The following ST3GAL5 variants were observed in gnomAD, a reference collection of about 807,000 sequenced individuals.
ST3GAL5 encodes ST3 beta-galactoside alpha-2,3-sialyltransferase 5.
Under a neutral mutation model 46.1 loss-of-function variants are expected in ST3GAL5, and 25 were observed. The ratio of observed to expected loss-of-function variants is 0.54; its 90% CI spans 0.40 to 0.76. The LOEUF (loss-of-function observed/expected upper bound fraction) is 0.76, where lower values mean the gene tolerates loss of function less well. ST3GAL5 is among the 30% of genes least tolerant of loss of function. The pLI is 0.00. For synonymous variants in ST3GAL5, 182 were observed against 192.7 expected (o/e 0.94, Z 0.46); for missense variants, 431 against 521.2 (o/e 0.83, Z 1.69).
At chr2:85,882,876 T>C (rs1687328972) in intron 1 of ST3GAL5, among the ~76,000 whole-genome samples, 1 of 151,820 alleles carries the variant, frequency 6.6e-6, no homozygotes, top group Admixed American at 6.6e-5. Flanking sequence ...ATTTCGGACT[T>C]GCATGGTGCC....
At chr2:85,878,330 G>A (rs1009512876) in intron 1 of ST3GAL5, among the ~76,000 whole-genome samples, 1 of 152,132 alleles carries the variant, frequency 6.6e-6, no homozygotes, top group African/African-American at 2.4e-5. Flanking sequence ...TTAACATTCT[G>A]GTCTGTATTC....
intron 1 of ST3GAL5, among the ~76,000 whole-genome samples, chr2:85,863,851 G>A (rs1684991152): frequency 6.6e-6 from 1 of 152,078 alleles, no homozygotes; most frequent in African/African-American, 2.4e-5. Context: ...GGGATTACAG[G>A]CGCATGCCAC....
At chr2:85,851,690 C>T (rs946089203) in intron 3 of ST3GAL5, 33 of 1,289,300 alleles carry the variant, frequency 2.6e-5, no homozygotes, top group Admixed American at 4.6e-5. Flanking sequence ...AGGCGAGTGC[C>T]GCACCTTCAG....
intron 1 of ST3GAL5, among the ~76,000 whole-genome samples, chr2:85,867,101 G>A (rs2104111135): frequency 6.6e-6 from 1 of 152,142 alleles, no homozygotes; most frequent in East Asian, 1.9e-4. Flanking sequence ...GACCAGCCTG[G>A]GCAACACAGT....
At chr2:85,863,514 G>A (rs755047681) in intron 1 of ST3GAL5, 29 bp from the exon 2 acceptor site, 1 of 1,613,294 alleles carries the variant, frequency 6.2e-7, no homozygotes, top group Non-Finnish European at 8.5e-7. Context: ...AGGGCAGTGG[G>A]GAAAAAGAGA....
chr2:85,874,325 C>A (rs140226044), intron 1 of ST3GAL5, among the ~76,000 whole-genome samples: 34 of 152,308 alleles, frequency 2.2e-4, no homozygotes, highest in African/African-American at 7.9e-4. Context: ...ATGTTCCCAG[C>A]ACGCACGATG....
chr2:85,887,379 T>C (rs921106553), intron 1 of ST3GAL5: 2 of 152,268 alleles, frequency 1.3e-5, no homozygotes, highest in African/African-American at 2.4e-5. Flanking sequence ...CTCTCTTCCA[T>C]GAGCCCCTTC....
rs768727734 is a variant in ST3GAL5 at position 85,840,155 on chromosome 2, G to A, written c.1246C>T (p.Arg416Cys). The A allele has an allele frequency of 1.4e-5, 22 of 1,614,002 alleles. No homozygotes were observed. In the East Asian group the frequency reaches 2.0e-4, roughly 15 times the overall value. The change falls in exon 7 of 7, where the codon CGT becomes TGT. Residue 416 changes from arginine (R) to cysteine (C), a missense_variant. Physicochemically the swap from Arg to Cys is radical, Grantham distance 180. Coordinates refer to ENST00000638572, the MANE Select transcript of ST3GAL5 (RefSeq NM_003896.4). ...GAGGTTTTCTGTGTTCAAAATTCAC[G>A]ATCAATGCCTCCACTGAGATCTTTC... is the stretch of plus-strand genomic sequence containing the variant. ...VVKDLSGGID[R>C]EF
intron 1 of ST3GAL5, among the ~76,000 whole-genome samples, chr2:85,871,930 G>A (rs1004058741): frequency 6.6e-6 from 1 of 152,198 alleles, no homozygotes; most frequent in African/African-American, 2.4e-5. Flanking sequence ...GCAAGCAGGT[G>A]CAGCTTATAG....
At chr2:85,873,124 C>T (rs564578270) in intron 1 of ST3GAL5, among the ~76,000 whole-genome samples, 20 of 152,256 alleles carry the variant, frequency 1.3e-4, no homozygotes, top group Non-Finnish European at 2.4e-4. Flanking sequence ...ATGTTGGCTG[C>T]TACTAGAACA....
Position 85,844,465 on chromosome 2 carries a change from G to A in ST3GAL5, c.939C>T (p.Ile313=). 2 of 1,614,204 alleles carry A rather than the reference G, an allele frequency of 1.2e-6. No homozygotes were observed. The highest frequency in any genetic ancestry group is 1.7e-6 in the Non-Finnish European group (2 of 1,180,046). The change falls in exon 6 of 7, where the codon ATC becomes ATT. Residue 313 remains isoleucine (I), a synonymous_variant. Coordinates refer to ENST00000638572, the MANE Select transcript of ST3GAL5 (RefSeq NM_003896.4). ...PKHFRILNPV[I]IKETAFDILQ... ...GGATGTCAAAGGCAGTCTCTTTGAT[G>A]ATAACTGGATTCAAAATCCTGAAAT...
intron 4 of ST3GAL5, 143 bp downstream of exon 4, chr2:85,847,718 C>CTGG (rs1388126643): frequency 4.4e-6 from 6 of 1,355,712 alleles, no homozygotes; most frequent in Non-Finnish European, 5.9e-6. Flanking sequence ...TCTCCTGAGC[C>CTGG]TGGGAAGTTG....
At chr2:85,846,032 T>C (rs998190919) in intron 5 of ST3GAL5, 17 of 285,634 alleles carry the variant, frequency 6.0e-5, no homozygotes, top group African/African-American at 1.1e-4. Context: ...CCCATCTCTA[T>C]TAAAAATACA....
At chr2:85,851,648 C>T (rs1200585087) in intron 3 of ST3GAL5, 4 of 1,289,448 alleles carry the variant, frequency 3.1e-6, no homozygotes, top group Non-Finnish European at 4.0e-6. Context: ...CACTGCTTGC[C>T]CATAGCTCAC....
intron 3 of ST3GAL5, chr2:85,851,505 C>T: frequency 7.8e-7 from 1 of 1,287,034 alleles, no homozygotes; most frequent in Non-Finnish European, 1.0e-6. Context: ...ATGTCCTCCA[C>T]TCTGGGATGG....
At position 85,877,665 on chromosome 2, in the gene ST3GAL5, T is replaced by C. The variant is rs537268244; in HGVS notation, c.82+11159A>G. ...GACTTGATGGGAGATACTTACAGACTAAGTAAATATCCTGTTTATCATCAA... is the reference window on the plus strand; with the variant it reads ...GACTTGATGGGAGATACTTACAGACCAAGTAAATATCCTGTTTATCATCAA... On this transcript the variant is annotated intron_variant, in intron 1 of 6. Transcript: ENST00000638572. Among the ~76,000 whole-genome samples the C allele has an allele frequency of 2.6e-5, 4 of 152,332 alleles. No homozygotes were observed. The East Asian group carries it at 7.7e-4, about 29-fold the overall frequency.
chr2:85,840,543 A>G, intron 6 of ST3GAL5, 151 bp from the exon 7 acceptor site: 1 of 812,260 alleles, frequency 1.2e-6, no homozygotes, highest in Non-Finnish European at 2.0e-6. Flanking sequence ...CATGAACTTT[A>G]GAGTCCAACT....
Position 85,846,445 on chromosome 2 carries a change from A to G in ST3GAL5, c.781T>C (p.Phe261Leu), listed in dbSNP as rs766279321. The G allele has an allele frequency of 1.2e-5, 20 of 1,614,246 alleles. No homozygotes were observed. The highest frequency in any genetic ancestry group is 1.6e-5 in the Non-Finnish European group (19 of 1,180,044). Residue 261 changes from phenylalanine to leucine, a missense_variant, in exon 5 of 7, where the codon TTT (phenylalanine) becomes CTT (leucine). Coordinates refer to ENST00000638572, the MANE Select transcript of ST3GAL5 (RefSeq NM_003896.4). ...ACACTCTTAAATAAAACAGCAACAA[A>G]TAAGTCATTGGAATAATATTCAAGG... ...SDLEYYSNDL[F>L]VAVLFKSVDF...
intron 1 of ST3GAL5, chr2:85,870,313 C>T (rs906570587): frequency 9.0e-5 from 41 of 454,580 alleles, no homozygotes; most frequent in East Asian, 2.9e-4. Context: ...TGAATAAATA[C>T]GCAGTTTCTT....
Sources: allele counts gnomAD v4.1 joint callset (sites outside exome capture counted in the v4.1 genomes callset), GRCh38; gene constraint gnomAD v4.1.1; transcripts MANE v1.5; gene names NCBI Gene and HGNC (gene_info 2026-07-23, HGNC 2026-07-21).